RDH10: variants seen among roughly 807,000 people sequenced by gnomAD.
RDH10 encodes the protein retinol dehydrogenase 10 (all-trans).
Under a neutral mutation model 30.2 loss-of-function variants are expected in RDH10, and 12 were observed. The observed-to-expected ratio is 0.40, with a 90% CI of 0.25 to 0.64. RDH10 has a LOEUF of 0.64. Among genes scored for constraint, RDH10 ranks in the 30% least tolerant of loss-of-function variants. RDH10 has a pLI of 0.43. For missense variants in RDH10, 268 were observed against 445.2 expected (o/e 0.60, Z 3.58); for synonymous variants, 189 against 172.2 (o/e 1.10, Z -0.76).
chr8:73,302,841 A>G (rs1332652329), intron 2 of RDH10, among the ~76,000 whole-genome samples: 4 of 152,194 alleles, frequency 2.6e-5, no homozygotes, highest in African/African-American at 9.7e-5. Flanking sequence ...CTAAAAGCCA[A>G]AGTTTATCTG....
At chr8:73,297,895 T>TTCG (rs1814300210) in intron 2 of RDH10, 1 of 186,380 alleles carries the variant, frequency 5.4e-6, no homozygotes, top group Non-Finnish European at 1.2e-5. Flanking sequence ...TGGCAGTTAC[T>TTCG]TCGCATCTCC....
intron 2 of RDH10, among the ~76,000 whole-genome samples, chr8:73,315,073 G>C (rs1217789917): frequency 6.6e-6 from 1 of 151,742 alleles, no homozygotes; most frequent in African/African-American, 2.4e-5. Flanking sequence ...AGTTGGAAAA[G>C]ATTTTTTTCA....
chr8:73,319,566 G>A (rs1814730152), intron 3 of RDH10, among the ~76,000 whole-genome samples: 2 of 152,182 alleles, frequency 1.3e-5, no homozygotes, highest in African/African-American at 2.4e-5. Flanking sequence ...TGCCTCTTCT[G>A]CCATAAAATC....
intron 3 of RDH10, 21 bp from the exon 4 acceptor site, chr8:73,320,911 T>C: frequency 6.2e-7 from 1 of 1,613,698 alleles, no homozygotes. Flanking sequence ...GTATTTCTGC[T>C]TTCTCCCCTC....
intron 1 of RDH10, 99 bp from the exon 2 acceptor site, chr8:73,297,095 G>T: frequency 4.1e-6 from 3 of 732,070 alleles, no homozygotes; most frequent in African/African-American, 1.7e-5. Context: ...TAGTATTTTT[G>T]TTTTGTGTGA....
chr8:73,297,140 C>A (rs1173626800), intron 1 of RDH10, 54 bp from the exon 2 acceptor site: 19 of 1,028,150 alleles, frequency 1.8e-5, no homozygotes, highest in Non-Finnish European at 2.9e-5. Flanking sequence ...GACTCACTTT[C>A]TGCACTTCCT....
intron 2 of RDH10, among the ~76,000 whole-genome samples, chr8:73,306,908 A>C (rs2130365064): frequency 6.6e-6 from 1 of 152,356 alleles, no homozygotes; most frequent in Non-Finnish European, 1.5e-5. Flanking sequence ...ATGTAAACAC[A>C]TGGGTATTTT....
intron 2 of RDH10, 46 bp downstream of exon 2, chr8:73,297,475 A>G (rs1050062670): frequency 2.2e-6 from 3 of 1,392,294 alleles, no homozygotes; most frequent in African/African-American, 2.8e-5. Flanking sequence ...CTCCTTAATG[A>G]GAAGGTTGGG....
chr8:73,310,771 G>C (rs1814550156), intron 2 of RDH10: 1 of 152,150 alleles, frequency 6.6e-6, no homozygotes, highest in African/African-American at 2.4e-5. Context: ...TCAAACACTC[G>C]TTTGATCATC....
rs1278056551 is a variant in RDH10, at chr8:73,294,881, TGA to T, written c.-405_-404del. ...TCCGCTGCGCACCCCTCCCCCGGGG[TGA>T]GAGGGAGCCGGCGCGCCGGTTCCGG... On this transcript the variant is annotated 5_prime_UTR_variant, in exon 1 of 6. Transcript: ENST00000240285. 1.3e-5 allele frequency: 5 copies of T among 388,214 alleles called. No homozygotes were observed. The highest frequency in any genetic ancestry group is 2.3e-5 in the Non-Finnish European group (5 of 219,868). 24.0% of individuals were successfully genotyped at this position (388,214 alleles called of 1,614,324 possible). A position where few individuals can be genotyped will look rare whatever the true frequency, so the allele number is the denominator to read the frequency against.
rs1191897184 is a variant in RDH10 at position 73,323,071 on chromosome 8, A to T, written c.*35A>T. 6 of 1,540,184 alleles carry T rather than the reference A, an allele frequency of 3.9e-6. No homozygotes were observed. Among genetic ancestry groups the T allele is most frequent in the Non-Finnish European group, 5.4e-6 (6 of 1,113,994 alleles). On this transcript the variant is annotated 3_prime_UTR_variant, in exon 6 of 6. Coordinates refer to ENST00000240285, the MANE Select transcript of RDH10 (RefSeq NM_172037.5). ...TGTATGGAATATTACTTCTATCAGA[A>T]GATGATCAAGATGTTTCAGTCCAGT...
intron 2 of RDH10, among the ~76,000 whole-genome samples, chr8:73,298,714 G>A (rs1256681254): frequency 2.0e-5 from 3 of 152,130 alleles, no homozygotes; most frequent in Non-Finnish European, 4.4e-5. Flanking sequence ...TTTTAGTAGA[G>A]ATGGGGTTTC....
In RDH10 at chr8:73,295,399, A is replaced by G. The variant is rs1301381317; in HGVS notation, c.110A>G (p.Gln37Arg). Residue 37 changes from glutamine to arginine, a missense_variant, in exon 1 of 6, where the codon CAG (glutamine) becomes CGG (arginine). By Grantham distance (43) the Gln-to-Arg change is conservative. This residue lies in a region of RDH10 where 42 missense variants were observed against 77.6 expected (regional missense o/e 0.54). Transcript: ENST00000240285. ...CCCAAGGAGAAGAGCGTGGCGGGCC[A>G]GGTGTGCCTCATCACCGGCGCCGGC... Reference protein sequence around the residue: ...VRPKEKSVAGQVCLITGAGSG... With the variant: ...VRPKEKSVAGRVCLITGAGSG... 5.8e-6 allele frequency: 9 copies of G among 1,551,182 alleles called. No individual in the cohort carries two copies. Among genetic ancestry groups the G allele is most frequent in the African/African-American group, 1.4e-5 (1 of 73,110 alleles).
At chr8:73,302,047 A>G (rs1246265917) in intron 2 of RDH10, among the ~76,000 whole-genome samples, 1 of 152,192 alleles carries the variant, frequency 6.6e-6, no homozygotes, top group Non-Finnish European at 1.5e-5. Context: ...CCTCAAAAAG[A>G]GGACCCCCTT....
chr8:73,318,135 C>T (rs922654024), intron 2 of RDH10, among the ~76,000 whole-genome samples: 1 of 151,108 alleles, frequency 6.6e-6, no homozygotes, highest in Non-Finnish European at 1.5e-5. Flanking sequence ...GATTGCTCTT[C>T]GCTGCTTTCT....
intron 2 of RDH10, among the ~76,000 whole-genome samples, chr8:73,299,290 C>T (rs1049276998): frequency 6.6e-6 from 1 of 152,172 alleles, no homozygotes; most frequent in Non-Finnish European, 1.5e-5. Flanking sequence ...AAAGTCCTTG[C>T]TGTGGCTGGG....
intron 5 of RDH10, 23 bp from the exon 6 acceptor site, chr8:73,322,890 C>T (rs769757006): frequency 2.5e-6 from 4 of 1,613,958 alleles, no homozygotes; most frequent in Non-Finnish European, 3.4e-6. Flanking sequence ...AGTTTGCTAA[C>T]AGCTGTGACT....
chr8:73,303,623 A>C (rs1653887018), intron 2 of RDH10, among the ~76,000 whole-genome samples: 1 of 152,250 alleles, frequency 6.6e-6, no homozygotes. Flanking sequence ...TGTCTTAAAC[A>C]GAGTTGTAAA....
chr8:73,306,744 A>C (rs1355930634), intron 2 of RDH10, among the ~76,000 whole-genome samples: 1 of 152,252 alleles, frequency 6.6e-6, no homozygotes, highest in Non-Finnish European at 1.5e-5. Flanking sequence ...GTTTGGAAAA[A>C]ACCACAAGTG....
Sources: allele counts gnomAD v4.1 joint callset (sites outside exome capture counted in the v4.1 genomes callset), GRCh38; gene constraint gnomAD v4.1.1; regional missense constraint gnomAD v4.1.1; transcripts MANE v1.5; gene names NCBI Gene and HGNC (gene_info 2026-07-23, HGNC 2026-07-21).